Variants in DCLK1 observed in about 807,000 individuals in gnomAD.
The protein encoded by DCLK1 is serine/threonine-protein kinase DCLK1.
DCLK1 carries 16 observed loss-of-function variants against 86.2 expected under a neutral mutation model. The observed-to-expected ratio is 0.19, with a 90% CI of 0.13 to 0.28. The LOEUF is 0.28. Among genes scored for constraint, DCLK1 ranks in the 10% least tolerant of loss-of-function variants. The probability of loss-of-function intolerance (pLI) is 1.00; values close to 1 mark genes in which losing one functional copy is unlikely to be tolerated. For synonymous variants in DCLK1, 369 were observed against 370.5 expected, an observed-to-expected ratio of 1.00 and a Z score of 0.05; for missense variants, 590 against 940.2, an observed-to-expected ratio of 0.63 and a Z score of 4.87.
intron 4 of DCLK1, among the ~76,000 whole-genome samples, chr13:35,915,455 C>A (rs909193403): frequency 6.6e-6 from 1 of 152,180 alleles, no homozygotes; most frequent in African/African-American, 2.4e-5. Flanking sequence ...AATCCCAGCA[C>A]TTTGGGAGAC....
intron 3 of DCLK1, among the ~76,000 whole-genome samples, chr13:36,044,947 G>C (rs1206237368): frequency 6.6e-6 from 1 of 151,802 alleles, no homozygotes; most frequent in Non-Finnish European, 1.5e-5. Flanking sequence ...TACATCTTTG[G>C]TACTATTTGA....
At chr13:35,862,047 A>G (rs1410067472) in intron 5 of DCLK1, among the ~76,000 whole-genome samples, 1 of 142,482 alleles carries the variant, frequency 7.0e-6, no homozygotes, top group Non-Finnish European at 1.5e-5. Context: ...AAAAAAAAAA[A>G]AAAAAAAAAG....
At chr13:35,878,472 A>G (rs558803520) in intron 4 of DCLK1, among the ~76,000 whole-genome samples, 1 of 152,260 alleles carries the variant, frequency 6.6e-6, no homozygotes, top group African/African-American at 2.4e-5. Context: ...AATAAAAGCA[A>G]TCAAGATCAA....
At chr13:36,096,387 C>A (rs2138149748) in intron 3 of DCLK1, among the ~76,000 whole-genome samples, 1 of 152,288 alleles carries the variant, frequency 6.6e-6, no homozygotes, top group East Asian at 1.9e-4. Context: ...AATCCAAAGG[C>A]CAGCAGCATC....
At chr13:36,088,991 AC>A (rs1884716315) in intron 3 of DCLK1, among the ~76,000 whole-genome samples, 1 of 152,168 alleles carries the variant, frequency 6.6e-6, no homozygotes. Flanking sequence ...AATACCAATA[AC>A]CAATAAAAGA....
chr13:36,130,131 G>T (rs1886312681), intron 1 of DCLK1, among the ~76,000 whole-genome samples: 1 of 152,034 alleles, frequency 6.6e-6, no homozygotes, highest in Non-Finnish European at 1.5e-5. Flanking sequence ...CAGGGTGTGT[G>T]CATATCTTTT....
chr13:35,886,136 T>C (rs1777393), intron 4 of DCLK1, among the ~76,000 whole-genome samples: 1 of 150,888 alleles, frequency 6.6e-6, no homozygotes, highest in African/African-American at 2.4e-5. Context: ...CTCAGCCTCC[T>C]GAGTAGCTGG....
intron 4 of DCLK1, among the ~76,000 whole-genome samples, chr13:35,922,191 G>T (rs1173931867): frequency 6.6e-6 from 1 of 152,080 alleles, no homozygotes; most frequent in Non-Finnish European, 1.5e-5. Context: ...GAAAGTGACT[G>T]AAAAAATAAA....
Position 35,993,229 on chromosome 13 carries a change from A to G in DCLK1, c.724-45772T>C, listed in dbSNP as rs377439680. On this transcript the variant is annotated intron_variant, in intron 3 of 16. Transcript: ENST00000360631. The stretch of plus-strand genomic sequence containing the variant: ...AACTCAACTCTCACTTCCTCCCGAA[A>G]GCTTTCTCTGCTGTCCCTGCCTTCG... 1.8e-4 allele frequency among the ~76,000 whole-genome samples: 27 copies of G among 152,272 alleles called. No individual in the cohort carries two copies. The East Asian group carries it at 4.6e-3, about 26-fold the overall frequency.
intron 15 of DCLK1, 83 bp from the exon 16 acceptor site, chr13:35,793,562 G>T: frequency 9.4e-7 from 1 of 1,059,984 alleles, no homozygotes; most frequent in Non-Finnish European, 1.4e-6. Flanking sequence ...CTAGTCACAG[G>T]CAGTGATCTT....
chr13:35,980,193 C>T (rs1203856695), intron 3 of DCLK1, among the ~76,000 whole-genome samples: 4 of 152,122 alleles, frequency 2.6e-5, no homozygotes, highest in Non-Finnish European at 2.9e-5. Context: ...TGGTGGCTTA[C>T]GTCTGTAATC....
At chr13:35,974,963 G>T (rs539391921) in intron 3 of DCLK1, among the ~76,000 whole-genome samples, 1 of 152,342 alleles carries the variant, frequency 6.6e-6, no homozygotes, top group East Asian at 1.9e-4. Flanking sequence ...AAGAACTTCA[G>T]CTCAATGATC....
chr13:36,012,491 T>A (rs1245920612), intron 3 of DCLK1, among the ~76,000 whole-genome samples: 1 of 148,082 alleles, frequency 6.8e-6, no homozygotes, highest in East Asian at 2.1e-4. Context: ...TTATGAAGCT[T>A]AGTTTGGCTG....
rs148996964 is a variant in DCLK1, at chr13:35,872,481, T to C, written c.824-1141A>G. ...TTAACCGAATTCCAACTATTGAATATCTAACTTGCTTTCAGTATTTCACTG... is the reference window on the plus strand; with the variant it reads ...TTAACCGAATTCCAACTATTGAATACCTAACTTGCTTTCAGTATTTCACTG... On this transcript the variant is annotated intron_variant, in intron 4 of 16. Transcript: ENST00000360631. 1.0e-3 allele frequency among the ~76,000 whole-genome samples: 157 copies of C among 152,334 alleles called. 1 individual carries two copies. The highest frequency in any genetic ancestry group is 3.5e-3 in the African/African-American group (146 of 41,576).
chr13:35,941,037 T>G (rs1190159786), intron 4 of DCLK1, among the ~76,000 whole-genome samples: 1 of 152,100 alleles, frequency 6.6e-6, no homozygotes, highest in Non-Finnish European at 1.5e-5. Flanking sequence ...GAAAAAAATG[T>G]GTTTCAGGGA....
chr13:35,864,335 G>T (rs1871621633), intron 5 of DCLK1, among the ~76,000 whole-genome samples: 1 of 75,442 alleles, frequency 1.3e-5, no homozygotes, highest in Non-Finnish European at 2.6e-5. Flanking sequence ...GGAGGCCGAG[G>T]CGGGCGGATC....
intron 11 of DCLK1, among the ~76,000 whole-genome samples, chr13:35,818,797 T>G (rs1220992303): frequency 6.6e-6 from 1 of 151,846 alleles, no homozygotes; most frequent in African/African-American, 2.4e-5. Context: ...TAATTTTTTT[T>G]TTTTTAATTA....
chr13:35,904,156 A>C (rs1382876822), intron 4 of DCLK1, among the ~76,000 whole-genome samples: 1 of 152,184 alleles, frequency 6.6e-6, no homozygotes, highest in Admixed American at 6.5e-5. Context: ...AGCAGCTCAA[A>C]GTATCATACA....
chr13:35,984,725 CCTT>C (rs1310693437), intron 3 of DCLK1, among the ~76,000 whole-genome samples: 2 of 151,984 alleles, frequency 1.3e-5, no homozygotes, highest in Non-Finnish European at 2.9e-5. Context: ...TCTGTATTCC[CCTT>C]CTTCTTCAAT....
Sources: gnomAD v4.1 joint callset for allele counts (sites outside exome capture counted in the v4.1 genomes callset) on GRCh38, gnomAD v4.1.1 for gene constraint, MANE v1.5 for transcripts, NCBI Gene and HGNC (gene_info 2026-07-23, HGNC 2026-07-21) for gene names.